AP4S1: variants seen among roughly 807,000 people sequenced by gnomAD.
AP4S1 encodes the protein adaptor related protein complex 4 subunit sigma 1.
AP4S1 carries 23 observed loss-of-function variants against 19.8 expected under a neutral mutation model. The observed-to-expected ratio is 1.16, with a 90% CI of 0.84 to 1.65. The LOEUF is 1.65. Among genes scored for constraint, AP4S1 ranks in the 40% most tolerant of loss-of-function variants. AP4S1 has a pLI of 0.00. For synonymous variants in AP4S1, 46 were observed against 54.1 expected (o/e 0.85, Z 0.66); for missense variants, 166 against 172.8 (o/e 0.96, Z 0.22).
At chr14:31,058,221 C>T (rs189387358) in intron 1 of AP4S1, among the ~76,000 whole-genome samples, 39 of 152,238 alleles carry the variant, frequency 2.6e-4, no homozygotes, top group Admixed American at 7.2e-4. Context: ...TGAACCACCT[C>T]GCCTGGCCCC....
Position 31,087,941 on chromosome 14 carries a change from G to A in AP4S1, c.307-4966G>A, listed in dbSNP as rs539829325. 7.2e-5 allele frequency among the ~76,000 whole-genome samples: 11 copies of A among 152,272 alleles called. No individual in the cohort carries two copies. The South Asian group carries it at 1.2e-3, about 17-fold the overall frequency. ...TTGAAAATATTAAATGGAAAGCCTC[G>A]TTGCCAGAGAGTGAGGACTGGCCTG... On this transcript the variant is annotated intron_variant, in intron 5 of 5. Coordinates refer to ENST00000542754, the MANE Select transcript of AP4S1 (RefSeq NM_001128126.3).
At chr14:31,038,514 C>G (rs747868397) in intron 1 of AP4S1, among the ~76,000 whole-genome samples, 17 of 152,046 alleles carry the variant, frequency 1.1e-4, no homozygotes, top group Non-Finnish European at 1.8e-4. Context: ...TTTAAACGAG[C>G]GAATGGGGAG....
At chr14:31,086,802 T>A (rs1242594565) in intron 5 of AP4S1, among the ~76,000 whole-genome samples, 1 of 152,136 alleles carries the variant, frequency 6.6e-6, no homozygotes, top group South Asian at 2.1e-4. Context: ...CCGGATACTT[T>A]GGAGCTAGGA....
At chr14:31,033,825 G>A (rs561189069) in intron 1 of AP4S1, among the ~76,000 whole-genome samples, 18 of 152,250 alleles carry the variant, frequency 1.2e-4, no homozygotes, top group African/African-American at 4.3e-4. Flanking sequence ...AAACCTTTAG[G>A]AAACTCAGCA....
In AP4S1 at chr14:31,074,324, C is replaced by CAAATAAAT. The variant is rs138770796; in HGVS notation, c.294+1387_294+1394dup. On this transcript the variant is annotated intron_variant, in intron 4 of 5. Transcript: ENST00000542754. The stretch of plus-strand genomic sequence containing the variant: ...TTAGTGACAGGGCGAGACTCCGTCT[C>CAAATAAAT]AAATAAATAAATAAATAAATAAATA... Among the ~76,000 whole-genome samples the CAAATAAAT allele has an allele frequency of 2.8e-3, 388 of 139,138 alleles. 2 individuals carry two copies. Among genetic ancestry groups the CAAATAAAT allele is most frequent in the African/African-American group, 6.9e-3 (255 of 37,150 alleles). The allele number at this position is 139,138 out of a possible 152,430, so 91.3% of individuals were successfully genotyped here.
At chr14:31,043,510 G>A (rs569512702) in intron 1 of AP4S1, among the ~76,000 whole-genome samples, 4 of 152,210 alleles carry the variant, frequency 2.6e-5, no homozygotes, top group Non-Finnish European at 5.9e-5. Context: ...AGAATCTGTT[G>A]GGAAGAGAAT....
At position 31,093,234 on chromosome 14, in the gene AP4S1, A is replaced by T; in HGVS notation, c.*199A>T. 1 of 448,572 alleles carries T rather than the reference A, an allele frequency of 2.2e-6. No individual in the cohort carries two copies. The highest frequency in any genetic ancestry group is 3.7e-5 in the South Asian group (1 of 26,720). The allele number at this position is 448,572 out of a possible 1,614,324, so 27.8% of individuals were successfully genotyped here. A position where few individuals can be genotyped will look rare whatever the true frequency, so the allele number is the denominator to read the frequency against. Reference sequence around the variant, plus strand: ...ACTTTAAAATATGTACAAAGAAAAAAATTTCTTTAAACTGAGAGAGAAGTT... The same window carrying T: ...ACTTTAAAATATGTACAAAGAAAAATATTTCTTTAAACTGAGAGAGAAGTT... On this transcript the variant is annotated 3_prime_UTR_variant, in exon 6 of 6. Transcript: ENST00000542754.
At chr14:31,050,339 C>T (rs1417852633) in intron 1 of AP4S1, among the ~76,000 whole-genome samples, 3 of 152,172 alleles carry the variant, frequency 2.0e-5, no homozygotes, top group East Asian at 3.9e-4. Context: ...GGATTATAGG[C>T]GTGAGCCACC....
At chr14:31,053,702 T>C (rs937431291) in intron 1 of AP4S1, among the ~76,000 whole-genome samples, 3 of 141,024 alleles carry the variant, frequency 2.1e-5, no homozygotes, top group Non-Finnish European at 3.0e-5. Flanking sequence ...TCTCAAGTGC[T>C]GGGATTGAAG....
At chr14:31,067,005 C>T (rs370317647) in intron 2 of AP4S1, among the ~76,000 whole-genome samples, 4 of 152,042 alleles carry the variant, frequency 2.6e-5, no homozygotes, top group East Asian at 1.9e-4. Flanking sequence ...GAGGCTGAAG[C>T]GGGTGGATCA....
At chr14:31,092,397 A>T (rs1462471297) in intron 5 of AP4S1, among the ~76,000 whole-genome samples, 1 of 152,220 alleles carries the variant, frequency 6.6e-6, no homozygotes, top group African/African-American at 2.4e-5. Context: ...CCTGGCATTT[A>T]CTAGCCATGT....
intron 1 of AP4S1, among the ~76,000 whole-genome samples, chr14:31,044,723 G>A (rs936607139): frequency 2.0e-5 from 3 of 151,656 alleles, no homozygotes; most frequent in Admixed American, 2.0e-4. Context: ...TGAACTCCTG[G>A]CCTCAAGTGT....
chr14:31,033,222 T>C (rs1884513083), intron 1 of AP4S1, among the ~76,000 whole-genome samples: 1 of 151,242 alleles, frequency 6.6e-6, no homozygotes, highest in East Asian at 1.9e-4. Flanking sequence ...AGTGTTTAAT[T>C]TTTTTTTTTG....
chr14:31,082,813 G>A (rs368803353), intron 5 of AP4S1, among the ~76,000 whole-genome samples: 4,677 of 151,788 alleles, frequency 0.031, 254 homozygotes, highest in African/African-American at 0.11. Flanking sequence ...GGAGAATGGC[G>A]TGAACCCGGG....
chr14:31,075,927 C>T (rs1217724596), intron 4 of AP4S1, among the ~76,000 whole-genome samples: 6 of 151,930 alleles, frequency 3.9e-5, no homozygotes, highest in Admixed American at 1.3e-4. Flanking sequence ...TTAGTAGAGA[C>T]GGGGTTTCTC....
intron 4 of AP4S1, among the ~76,000 whole-genome samples, chr14:31,080,281 A>G (rs576155087): frequency 7.2e-5 from 11 of 152,362 alleles, no homozygotes; most frequent in African/African-American, 2.6e-4. Context: ...TCTGATACAC[A>G]TATCAAATTA....
At chr14:31,076,610 G>T (rs1251201255) in intron 4 of AP4S1, among the ~76,000 whole-genome samples, 1 of 152,052 alleles carries the variant, frequency 6.6e-6, no homozygotes, top group African/African-American at 2.4e-5. Context: ...CCATTCCTTT[G>T]TAGATGTTCA....
chr14:31,027,730 A>G (rs1333616175), intron 1 of AP4S1, among the ~76,000 whole-genome samples: 2 of 152,230 alleles, frequency 1.3e-5, no homozygotes, highest in Admixed American at 6.5e-5. Context: ...TTTTAAGTAC[A>G]ATAGTGGGTA....
chr14:31,072,558 A>G (rs1257239499), intron 3 of AP4S1, among the ~76,000 whole-genome samples: 1 of 151,924 alleles, frequency 6.6e-6, no homozygotes, highest in Non-Finnish European at 1.5e-5. Context: ...TTTTATGGAG[A>G]CAGAGTCTCA....
Sources: allele counts gnomAD v4.1 joint callset (sites outside exome capture counted in the v4.1 genomes callset), GRCh38; gene constraint gnomAD v4.1.1; transcripts MANE v1.5; gene names NCBI Gene and HGNC (gene_info 2026-07-23, HGNC 2026-07-21).